PCDHA8: variants seen among roughly 807,000 people sequenced by gnomAD.
PCDHA8 encodes protocadherin alpha-8.
In PCDHA8, 53 loss-of-function variants were observed where a neutral mutation model predicts 61.8. The ratio of observed to expected loss-of-function variants is 0.86; its 90% confidence interval spans 0.69 to 1.08. The LOEUF is 1.08. Ranked by LOEUF, PCDHA8 falls within the 50% of genes least tolerant of loss-of-function variation. The pLI, the probability that PCDHA8 is intolerant of heterozygous loss-of-function variation, is 0.00. For missense variants in PCDHA8, 1,293 were observed against 1,245.0 expected, an observed-to-expected ratio of 1.04 and a Z score of -0.58; for synonymous variants, 618 against 556.6, an observed-to-expected ratio of 1.11 and a Z score of -1.55.
At chr5:140,979,137 A>G (rs1554240284) in intron 2 of PCDHA8, 130 bp downstream of exon 2, 1 of 1,459,542 alleles carries the variant, frequency 6.9e-7, no homozygotes, top group Non-Finnish European at 9.0e-7. Context: ...GGAAAATGCA[A>G]TTATTTTGTC....
chr5:140,869,817 T>G, intron 1 of PCDHA8: 1 of 1,612,264 alleles, frequency 6.2e-7, no homozygotes, highest in Non-Finnish European at 8.5e-7. Flanking sequence ...TCAACGACAA[T>G]GATCCAGAGT....
chr5:140,907,864 G>T (rs1033952784), intron 1 of PCDHA8, among the ~76,000 whole-genome samples: 1 of 152,202 alleles, frequency 6.6e-6, no homozygotes, highest in Non-Finnish European at 1.5e-5. Context: ...GAGGCCAGCC[G>T]TTGGTGAGCA....
intron 1 of PCDHA8, chr5:140,884,253 C>T (rs1356283866): frequency 6.2e-7 from 1 of 1,613,418 alleles, no homozygotes; most frequent in East Asian, 2.2e-5. Context: ...CTGACGGCCA[C>T]GGCAACGGTG....
chr5:140,982,843 A>G (rs782122104), intron 3 of PCDHA8, among the ~76,000 whole-genome samples: 1 of 152,090 alleles, frequency 6.6e-6, no homozygotes, highest in Non-Finnish European at 1.5e-5. Flanking sequence ...GTTTGTTTAA[A>G]TCAGGTACCT....
chr5:140,932,562 G>A lies in PCDHA8; in HGVS notation c.2395-46387G>A, dbSNP rs566002035. The stretch of plus-strand genomic sequence containing the variant: ...TTATTTAACATACATTCCACAAGTA[G>A]ACTTTCCCATAGGGTAATTAGATGT... On this transcript the variant is annotated intron_variant, in intron 1 of 3. Coordinates refer to ENST00000531613, the MANE Select transcript of PCDHA8 (RefSeq NM_018911.3). Among the ~76,000 whole-genome samples the A allele has an allele frequency of 1.9e-4, 29 of 151,988 alleles. No individual in the cohort carries two copies. The South Asian group carries it at 6.0e-3, about 32-fold the overall frequency.
intron 3 of PCDHA8, among the ~76,000 whole-genome samples, chr5:140,991,593 C>T (rs2097461164): frequency 6.6e-6 from 1 of 152,196 alleles, no homozygotes; most frequent in South Asian, 2.1e-4. Flanking sequence ...TCTACCTGAG[C>T]CCTCACTGGC....
intron 1 of PCDHA8, chr5:140,926,550 C>A (rs1235832737): frequency 1.7e-5 from 4 of 233,488 alleles, no homozygotes; most frequent in Admixed American, 5.6e-5. Context: ...TGGTCGAGAC[C>A]CCAGCCCGCT....
intron 3 of PCDHA8, among the ~76,000 whole-genome samples, chr5:141,002,815 T>G (rs1554258803): frequency 6.6e-6 from 1 of 152,176 alleles, no homozygotes; most frequent in African/African-American, 2.4e-5. Flanking sequence ...GGCTCAGAGA[T>G]ATTTATGTAA....
chr5:140,968,896 A>G (rs2096277975), intron 1 of PCDHA8: 1 of 1,614,240 alleles, frequency 6.2e-7, no homozygotes, highest in Non-Finnish European at 8.5e-7. Context: ...ATCTAATAAT[A>G]GCATTAAGCA....
chr5:140,871,476 G>A (rs1437006996), intron 1 of PCDHA8: 1 of 1,598,568 alleles, frequency 6.3e-7, no homozygotes, highest in Admixed American at 1.7e-5. Flanking sequence ...AGGAGCCAGG[G>A]TCAAATCACC....
At position 140,877,565 on chromosome 5, in the gene PCDHA8, T is replaced by C; in HGVS notation, c.2394+33850T>C. On this transcript the variant is annotated intron_variant, in intron 1 of 3. Coordinates refer to ENST00000531613, the MANE Select transcript of PCDHA8 (RefSeq NM_018911.3). ...GAAGCGGCTCTGGTGGATATTAACG[T>C]GTACCTCATCATCGCCATCTGTGCG... 1 of 1,613,742 alleles carries C rather than the reference T, an allele frequency of 6.2e-7. No homozygotes were observed. The highest frequency in any genetic ancestry group is 1.7e-5 in the Admixed American group (1 of 60,024).
chr5:140,861,110 T>C (rs2046757682), intron 1 of PCDHA8: 1 of 152,560 alleles, frequency 6.6e-6, no homozygotes, highest in Non-Finnish European at 1.5e-5. Flanking sequence ...CTTTAAAAAC[T>C]ACAAACACCC....
chr5:140,898,422 C>T (rs1554187981), intron 1 of PCDHA8, among the ~76,000 whole-genome samples: 2 of 152,278 alleles, frequency 1.3e-5, no homozygotes, highest in East Asian at 3.9e-4. Context: ...AGCCAGTTTT[C>T]CCAGCACCAT....
Position 140,968,677 on chromosome 5 carries a change from G to A in PCDHA8, c.2395-10272G>A, listed in dbSNP as rs781795184. The A allele has an allele frequency of 5.0e-6, 8 of 1,614,156 alleles. No individual in the cohort carries two copies. In the South Asian group the frequency reaches 8.8e-5, roughly 18 times the overall value. ...ACCTGGACCTCTTTAAGGTAGAGCTGCACACAGGAGAAATTAGGACTACCA... is the reference window on the plus strand; with the variant it reads ...ACCTGGACCTCTTTAAGGTAGAGCTACACACAGGAGAAATTAGGACTACCA... On this transcript the variant is annotated intron_variant, in intron 1 of 3. Coordinates refer to ENST00000531613, the MANE Select transcript of PCDHA8 (RefSeq NM_018911.3).
intron 1 of PCDHA8, chr5:140,877,206 C>G (rs782807049): frequency 6.2e-7 from 1 of 1,613,768 alleles, no homozygotes; most frequent in South Asian, 1.1e-5. Context: ...GCGCAGTTAG[C>G]GAGTTGGTAC....
chr5:140,919,455 ATGT>A (rs2079137711), intron 1 of PCDHA8, among the ~76,000 whole-genome samples: 1 of 152,118 alleles, frequency 6.6e-6, no homozygotes, highest in Admixed American at 6.5e-5. Flanking sequence ...TATTCACATG[ATGT>A]TACTATTGAT....
In PCDHA8 at chr5:141,011,714, C is replaced by G. The variant is rs2098421596; in HGVS notation, c.*1777C>G. On this transcript the variant is annotated 3_prime_UTR_variant, in exon 4 of 4. Transcript: ENST00000531613. ...TTTTGGAATGAATACTGACAATATT[C>G]CATGAGGGTGTGCAAGCACAAATTT... 1 of 153,650 alleles carries G rather than the reference C, an allele frequency of 6.5e-6. No individual in the cohort carries two copies. Among genetic ancestry groups the G allele is most frequent in the South Asian group, 2.1e-4 (1 of 4,822 alleles). 9.5% of individuals were successfully genotyped at this position (153,650 alleles called of 1,614,324 possible).
intron 1 of PCDHA8, among the ~76,000 whole-genome samples, chr5:140,960,218 A>G (rs2095532618): frequency 6.6e-6 from 1 of 152,206 alleles, no homozygotes; most frequent in Non-Finnish European, 1.5e-5. Flanking sequence ...CAGGATCTCA[A>G]GAAACAGAGC....
chr5:140,966,641 A>T, intron 1 of PCDHA8: 1 of 1,104,530 alleles, frequency 9.1e-7, no homozygotes, highest in South Asian at 2.2e-5. Flanking sequence ...GGCGCTTTCT[A>T]GAGCGTGAGC....
Sources: allele counts gnomAD v4.1 joint callset (sites outside exome capture counted in the v4.1 genomes callset), GRCh38; gene constraint gnomAD v4.1.1; transcripts MANE v1.5; gene names NCBI Gene and HGNC (gene_info 2026-07-23, HGNC 2026-07-21).